The following CRTAP variants were observed in gnomAD, a reference collection of about 807,000 sequenced individuals.
CRTAP encodes cartilage associated protein, also known as cartilage-associated protein.
Under a neutral mutation model 42.7 loss-of-function variants are expected in CRTAP, and 33 were observed. The ratio of observed to expected loss-of-function variants is 0.77; its 90% CI spans 0.59 to 1.03. The LOEUF (loss-of-function observed/expected upper bound fraction) is 1.03, where lower values mean the gene tolerates loss of function less well. Among genes scored for constraint, CRTAP ranks in the 50% least tolerant of loss-of-function variants. The probability of loss-of-function intolerance (pLI) is 0.00; values close to 1 mark genes in which losing one functional copy is unlikely to be tolerated. For synonymous variants in CRTAP, 243 were observed against 217.7 expected (o/e 1.12, Z -1.02); for missense variants, 613 against 533.9 (o/e 1.15, Z -1.46).
chr3:33,141,178 T>A (rs917012353), intron 6 of CRTAP, among the ~76,000 whole-genome samples: 4 of 152,156 alleles, frequency 2.6e-5, no homozygotes, highest in Admixed American at 2.0e-4. Context: ...TGCATTTCTT[T>A]CGTCTGTGCT....
intron 6 of CRTAP, among the ~76,000 whole-genome samples, chr3:33,142,088 G>A (rs150065120): frequency 6.6e-6 from 1 of 152,312 alleles, no homozygotes; most frequent in African/African-American, 2.4e-5. Context: ...GAGAGGGGAG[G>A]AAGGGGAGTA....
In CRTAP at chr3:33,114,292, G is replaced by A. The variant is rs1222420596; in HGVS notation, c.215G>A (p.Arg72Gln). 1 of 1,569,170 alleles carries A rather than the reference G, an allele frequency of 6.4e-7. No individual in the cohort carries two copies. The highest frequency in any genetic ancestry group is 8.6e-7 in the Non-Finnish European group (1 of 1,165,310). The part of the protein sequence containing the change: ...ESVGYLEISL[R>Q]LHRLLRDSEA... ...GTGGGCTACCTGGAGATCAGCCTGC[G>A]GCTGCACCGCTTGCTGCGCGACAGC... The change falls in exon 1 of 7, where the codon CGG (arginine) becomes CAG (glutamine). Residue 72 changes from arginine (R) to glutamine (Q), a missense_variant. Physicochemically the swap from Arg to Gln is conservative, Grantham distance 43. Transcript: ENST00000320954.
rs533908959 is a variant in CRTAP at position 33,128,345 on chromosome 3, C to A, written c.794-1594C>A. Reference sequence around the variant, plus strand: ...TTATTTGTCATCTTCCTTTAGAATTCTTTAATCTGGAACAATCCTTTGGCC... The same window carrying A: ...TTATTTGTCATCTTCCTTTAGAATTATTTAATCTGGAACAATCCTTTGGCC... On this transcript the variant is annotated intron_variant, in intron 3 of 6. Coordinates refer to ENST00000320954, the MANE Select transcript of CRTAP (RefSeq NM_006371.5). 4.2e-4 allele frequency among the ~76,000 whole-genome samples: 64 copies of A among 151,976 alleles called. No individual in the cohort carries two copies. The South Asian group carries it at 0.012, about 30-fold the overall frequency.
At chr3:33,127,147 G>A (rs919570832) in intron 3 of CRTAP, among the ~76,000 whole-genome samples, 19 of 150,662 alleles carry the variant, frequency 1.3e-4, no homozygotes, top group African/African-American at 4.4e-4. Context: ...TTTAGGAATA[G>A]GATGGGAAAC....
At chr3:33,122,846 G>A (rs931951173) in intron 2 of CRTAP, among the ~76,000 whole-genome samples, 1 of 152,116 alleles carries the variant, frequency 6.6e-6, no homozygotes, top group Non-Finnish European at 1.5e-5. Flanking sequence ...CCAAATGGAG[G>A]GTCCCATGCT....
chr3:33,123,026 C>T (rs574908284), intron 2 of CRTAP, among the ~76,000 whole-genome samples: 55 of 152,184 alleles, frequency 3.6e-4, no homozygotes, highest in African/African-American at 1.1e-3. Context: ...TGCAACGGCA[C>T]GATCTTGGCT....
At chr3:33,129,725 A>T (rs1228744509) in intron 3 of CRTAP, among the ~76,000 whole-genome samples, 1 of 151,554 alleles carries the variant, frequency 6.6e-6, no homozygotes, top group Non-Finnish European at 1.5e-5. Context: ...TTTTAGTGAG[A>T]CAGGGTTTCA....
At chr3:33,137,913 G>T (rs890517285) in intron 6 of CRTAP, among the ~76,000 whole-genome samples, 1 of 152,162 alleles carries the variant, frequency 6.6e-6, no homozygotes, top group African/African-American at 2.4e-5. Flanking sequence ...TCTCTTGCAT[G>T]TGAATAGCCA....
intron 6 of CRTAP, among the ~76,000 whole-genome samples, chr3:33,137,407 C>G (rs770104625): frequency 2.6e-5 from 4 of 152,234 alleles, no homozygotes; most frequent in South Asian, 2.1e-4. Flanking sequence ...TCCCAAAATG[C>G]TGGGATTACA....
At chr3:33,129,632 G>A (rs959453163) in intron 3 of CRTAP, among the ~76,000 whole-genome samples, 1 of 149,756 alleles carries the variant, frequency 6.7e-6, no homozygotes, top group Non-Finnish European at 1.5e-5. Context: ...CCACCTTCCG[G>A]GTTCACGCCA....
Position 33,147,205 on chromosome 3 carries a change from G to C in CRTAP, c.*4757G>C, listed in dbSNP as rs887337345. 6.5e-6 allele frequency: 1 copy of C among 152,816 alleles called. No homozygotes were observed. Among genetic ancestry groups the C allele is most frequent in the Non-Finnish European group, 1.5e-5 (1 of 68,176 alleles). 9.5% of individuals were successfully genotyped at this position (152,816 alleles called of 1,614,324 possible). ...GCCTCAGCCAAAGGTTTTATGCATT[G>C]GACTTCCTGTGCCTGCCCCCAGGGG... On this transcript the variant is annotated 3_prime_UTR_variant, in exon 7 of 7. Transcript: ENST00000320954.
intron 2 of CRTAP, among the ~76,000 whole-genome samples, chr3:33,122,709 C>CAAAAAA (rs58820155): frequency 2.1e-4 from 18 of 87,522 alleles, no homozygotes; most frequent in South Asian, 1.3e-3. Flanking sequence ...GACTCTGTCT[C>CAAAAAA]AAAAAAAAAA....
chr3:33,114,441 T>C lies in CRTAP; in HGVS notation c.364T>C (p.Cys122Arg). The stretch of plus-strand genomic sequence containing the variant: ...GCGCCGCGCGCACTGCCTCAAGCGC[T>C]GCAAGCAGGGCCTGCCAGCCTTCCG... ...LLRRAHCLKR[C>R]KQGLPAFRQS... Residue 122 changes from cysteine to arginine, a missense_variant, in exon 1 of 7, where the codon TGC (cysteine) becomes CGC (arginine). Transcript: ENST00000320954. 3 of 1,573,708 alleles carry C rather than the reference T, an allele frequency of 1.9e-6. No individual in the cohort carries two copies. Among genetic ancestry groups the C allele is most frequent in the South Asian group, 2.3e-5 (2 of 86,416 alleles).
Position 33,134,163 on chromosome 3 carries a change from C to T in CRTAP, c.1069-19C>T. On this transcript the variant is annotated intron_variant, in intron 5 of 6. Transcript: ENST00000320954. Reference sequence around the variant, plus strand: ...GAAAAGGTTGGTCCTATAAACTGTTCTCTGTTGTGTCTGAACAGGAAGCAG... The same window carrying T: ...GAAAAGGTTGGTCCTATAAACTGTTTTCTGTTGTGTCTGAACAGGAAGCAG... 4 of 1,579,910 alleles carry T rather than the reference C, an allele frequency of 2.5e-6. No homozygotes were observed. The highest frequency in any genetic ancestry group is 3.5e-6 in the Non-Finnish European group (4 of 1,148,794).
In CRTAP at chr3:33,124,409, G is replaced by A. The variant is rs574565076; in HGVS notation, c.623G>A (p.Ser208Asn). 124 of 1,614,050 alleles carry A rather than the reference G, an allele frequency of 7.7e-5. 2 individuals are homozygous for A. The South Asian group carries it at 1.2e-3, about 16-fold the overall frequency. ...IKDLETKSYE[S>N]LFIRAVRAYN... ...CACTGGCTTCTCCATGCCTTTCAGA[G>A]CCTGTTCATCCGAGCAGTGCGGGCA... Residue 208 changes from serine to asparagine, a missense_variant and splice_region_variant, in exon 3 of 7, where the codon AGC (serine) becomes AAC (asparagine). By Grantham distance (46) the Ser-to-Asn change is conservative. Coordinates refer to ENST00000320954, the MANE Select transcript of CRTAP (RefSeq NM_006371.5).
At chr3:33,124,698 T>A in intron 3 of CRTAP, 119 bp downstream of exon 3, 1 of 1,193,454 alleles carries the variant, frequency 8.4e-7, no homozygotes, top group Non-Finnish European at 1.2e-6. Context: ...TTGAGCATAC[T>A]TATTAACGGG....
intron 4 of CRTAP, among the ~76,000 whole-genome samples, chr3:33,132,124 C>T (rs1031486806): frequency 6.6e-6 from 1 of 152,118 alleles, no homozygotes; most frequent in African/African-American, 2.4e-5. Flanking sequence ...TCTGGTTTAG[C>T]TGTAGGGGAG....
At position 33,130,070 on chromosome 3, in the gene CRTAP, A is replaced by C; in HGVS notation, c.922+3A>C. On this transcript the variant is annotated splice_donor_region_variant and intron_variant, in intron 4 of 6. Coordinates refer to ENST00000320954, the MANE Select transcript of CRTAP (RefSeq NM_006371.5). The stretch of plus-strand genomic sequence containing the variant: ...CTTGCAGTTTGCCTATTATAAGTGT[A>C]AGTAATCTTCTGTGACATCTTGGGT... The C allele has an allele frequency of 6.8e-6, 11 of 1,613,212 alleles. No homozygotes were observed. Among genetic ancestry groups the C allele is most frequent in the Non-Finnish European group, 9.3e-6 (11 of 1,179,348 alleles).
At chr3:33,131,794 G>A (rs1323281321) in intron 4 of CRTAP, among the ~76,000 whole-genome samples, 2 of 152,070 alleles carry the variant, frequency 1.3e-5, no homozygotes, top group African/African-American at 2.4e-5. Flanking sequence ...ACAGCCACTG[G>A]GTGGCACAAT....
Sources: allele counts gnomAD v4.1 joint callset (sites outside exome capture counted in the v4.1 genomes callset), GRCh38; gene constraint gnomAD v4.1.1; transcripts MANE v1.5; gene names NCBI Gene and HGNC (gene_info 2026-07-23, HGNC 2026-07-21).